The following ATP10A variants were observed in gnomAD, a reference collection of about 807,000 sequenced individuals.
ATP10A encodes ATPase phospholipid transporting 10A (putative).
Under a neutral mutation model 147.8 loss-of-function variants are expected in ATP10A, and 111 were observed. That is an observed-to-expected ratio of 0.75 (90% CI 0.64 to 0.88). The LOEUF is 0.88. Ranked by LOEUF, ATP10A falls within the 40% of genes least tolerant of loss-of-function variation. The pLI, the probability that ATP10A is intolerant of heterozygous loss-of-function variation, is 0.00. For synonymous variants in ATP10A, 875 were observed against 841.6 expected, an observed-to-expected ratio of 1.04 and a Z score of -0.69; for missense variants, 1,927 against 1,959.0, an observed-to-expected ratio of 0.98 and a Z score of 0.31.
intron 5 of ATP10A, 45 bp downstream of exon 5, chr15:25,725,906 C>T (rs749860489): frequency 8.3e-6 from 13 of 1,569,928 alleles, no homozygotes; most frequent in Admixed American, 5.1e-5. Flanking sequence ...GCACGAGCCA[C>T]TGCGCCTGGC....
At position 25,708,242 on chromosome 15, in the gene ATP10A, G is replaced by A. The variant is rs779579438; in HGVS notation, c.2403C>T (p.Asn801=). The A allele has an allele frequency of 6.2e-6, 10 of 1,614,196 alleles. No individual in the cohort carries two copies. Among genetic ancestry groups the A allele is most frequent in the African/African-American group, 1.3e-5 (1 of 75,056 alleles). ...TGCGCAGGCCTTCCGCCGCATACAC[G>A]TTGAGGTAATTCTGAGTTTTGCTCC... ...KIRSKTQNYL[N]VYAAEGLRTL... The change falls in exon 11 of 21, where the codon AAC becomes AAT. Residue 801 remains asparagine, a synonymous_variant. Transcript: ENST00000555815.
chr15:25,715,230 T>C (rs1360238366), intron 9 of ATP10A, among the ~76,000 whole-genome samples: 1 of 152,252 alleles, frequency 6.6e-6, no homozygotes, highest in Non-Finnish European at 1.5e-5. Context: ...ACAGGTGCTT[T>C]TCCTTTGGTC....
rs534417317 is a variant in ATP10A at position 25,863,251 on chromosome 15, G to GCGCGCCCAGCC, written c.-166_-156dup. 5.4e-6 allele frequency: 2 copies of GCGCGCCCAGCC among 369,414 alleles called. No individual in the cohort carries two copies. Among genetic ancestry groups the GCGCGCCCAGCC allele is most frequent in the African/African-American group, 2.2e-5 (1 of 45,138 alleles). The allele number at this position is 369,414 out of a possible 1,614,324, so 22.9% of individuals were successfully genotyped here. Reference sequence around the variant, plus strand: ...GTCAGCGCGCCGCCTGGCCGGCCCAGCGCGCCCAGCCCGCGCCCAGCCCCG... The same window carrying GCGCGCCCAGCC: ...GTCAGCGCGCCGCCTGGCCGGCCCAGCGCGCCCAGCCCGCGCCCAGCCCGCGCCCAGCCCCG... On this transcript the variant is annotated 5_prime_UTR_variant, in exon 1 of 21. Transcript: ENST00000555815.
intron 2 of ATP10A, among the ~76,000 whole-genome samples, chr15:25,768,219 G>A (rs1889131752): frequency 6.6e-6 from 1 of 152,210 alleles, no homozygotes; most frequent in Non-Finnish European, 1.5e-5. Context: ...AGGGTCAGTG[G>A]CTTGGGCCTC....
chr15:25,735,007 G>A (rs1346818221), intron 3 of ATP10A, among the ~76,000 whole-genome samples: 1 of 7,260 alleles, frequency 1.4e-4, no homozygotes, highest in Non-Finnish European at 4.0e-4. Flanking sequence ...TGGGAGCGGG[G>A]GGGGGGTGGG....
At chr15:25,773,206 AG>A (rs1298458582) in intron 2 of ATP10A, among the ~76,000 whole-genome samples, 1 of 152,188 alleles carries the variant, frequency 6.6e-6, no homozygotes, top group Non-Finnish European at 1.5e-5. Context: ...CGAAACTCTA[AG>A]GAAGCCCTAA....
At chr15:25,824,346 C>T (rs1450685405) in intron 1 of ATP10A, among the ~76,000 whole-genome samples, 4 of 151,446 alleles carry the variant, frequency 2.6e-5, no homozygotes, top group Admixed American at 2.6e-4. Flanking sequence ...TGATGGTGTA[C>T]ACTTGTGGTC....
chr15:25,753,124 T>G (rs1447003327), intron 2 of ATP10A, among the ~76,000 whole-genome samples: 1 of 152,204 alleles, frequency 6.6e-6, no homozygotes, highest in African/African-American at 2.4e-5. Context: ...TCTAGGTAAT[T>G]TTGAAATGTA....
At chr15:25,715,916 T>G (rs1178438675) in intron 9 of ATP10A, among the ~76,000 whole-genome samples, 1 of 152,286 alleles carries the variant, frequency 6.6e-6, no homozygotes, top group African/African-American at 2.4e-5. Flanking sequence ...TCCATATGCA[T>G]ATCACGCTTC....
rs989968454 is a variant in ATP10A, at chr15:25,835,928, C to T, written c.449+26720G>A. Among the ~76,000 whole-genome samples the T allele has an allele frequency of 3.1e-4, 47 of 152,230 alleles. 1 individual carries two copies. Among genetic ancestry groups the T allele is most frequent in the Non-Finnish European group, 8.8e-5 (6 of 68,044 alleles). On this transcript the variant is annotated intron_variant, in intron 1 of 20. Coordinates refer to ENST00000555815, the MANE Select transcript of ATP10A (RefSeq NM_024490.4). ...TCCGGGGCTCACGCCATTCTCCCGC[C>T]TCAGCCTCCCGAGTAGCTGGGACCA...
chr15:25,727,414 A>AGT lies in ATP10A; in HGVS notation c.741-149_741-148insAC, dbSNP rs1212432280. ...CTGGGAAGGGTACAGGGGGCCCCCG[A>AGT]GAGTGGGTGGCTCGCCCTGTGGGTC... On this transcript the variant is annotated intron_variant, in intron 3 of 20. Transcript: ENST00000555815. 9.1e-6 allele frequency: 6 copies of AGT among 658,564 alleles called. No individual in the cohort carries two copies. In the East Asian group the frequency reaches 1.4e-4, roughly 15 times the overall value. The allele number at this position is 658,564 out of a possible 1,614,324, so 40.8% of individuals were successfully genotyped here. A position where few individuals can be genotyped will look rare whatever the true frequency, so the allele number is the denominator to read the frequency against.
At chr15:25,759,472 G>A (rs1888636278) in intron 2 of ATP10A, among the ~76,000 whole-genome samples, 1 of 152,186 alleles carries the variant, frequency 6.6e-6, no homozygotes, top group Non-Finnish European at 1.5e-5. Context: ...GAGCCTCTGT[G>A]TTAGAACAAG....
chr15:25,802,968 T>C (rs887700603), intron 1 of ATP10A, among the ~76,000 whole-genome samples: 4 of 152,204 alleles, frequency 2.6e-5, no homozygotes, highest in Admixed American at 2.6e-4. Flanking sequence ...ATTTTACATA[T>C]GAGGGTGTGG....
chr15:25,745,110 C>T (rs1441210646), intron 2 of ATP10A, among the ~76,000 whole-genome samples: 19 of 152,010 alleles, frequency 1.2e-4, no homozygotes, highest in East Asian at 1.9e-4. Flanking sequence ...CAGATCACGA[C>T]GTCATGGTCT....
At chr15:25,713,348 G>C (rs1256190196) in intron 10 of ATP10A, among the ~76,000 whole-genome samples, 1 of 152,168 alleles carries the variant, frequency 6.6e-6, no homozygotes, top group Non-Finnish European at 1.5e-5. Context: ...AGGTCCACAG[G>C]GCAGGAAGAA....
intron 1 of ATP10A, among the ~76,000 whole-genome samples, chr15:25,832,144 G>A (rs746325636): frequency 1.3e-5 from 2 of 152,180 alleles, no homozygotes; most frequent in Non-Finnish European, 2.9e-5. Context: ...GACAGGGGAC[G>A]TAAGGACTGG....
rs1048686641 is a variant in ATP10A at position 25,687,850 on chromosome 15, T to C, written c.3166-22A>G. 3 of 1,613,650 alleles carry C rather than the reference T, an allele frequency of 1.9e-6. No homozygotes were observed. The South Asian group carries it at 3.3e-5, about 18-fold the overall frequency. ...CTGCCTTCAAAGGGAGAGGGATTCC[T>C]GTTACTGGTGATGCCGACCTGGCGT... On this transcript the variant is annotated intron_variant, in intron 15 of 20. Coordinates refer to ENST00000555815, the MANE Select transcript of ATP10A (RefSeq NM_024490.4).
At chr15:25,730,733 G>C (rs1902931904) in intron 3 of ATP10A, among the ~76,000 whole-genome samples, 1 of 152,002 alleles carries the variant, frequency 6.6e-6, no homozygotes, top group African/African-American at 2.4e-5. Context: ...GGCAGAATTT[G>C]CTTTAAAATA....
rs1379295259 is a variant in ATP10A, at chr15:25,708,197, T to C, written c.2448A>G (p.Arg816=). Residue 816 remains arginine (R), a splice_region_variant and synonymous_variant, in exon 11 of 21, where the codon AGA becomes AGG. Coordinates refer to ENST00000555815, the MANE Select transcript of ATP10A (RefSeq NM_024490.4). Reference sequence around the variant, plus strand: ...CCCTCGCGGAGACACCCCCACTCACTCTCTTGGCGATGCACAAGGTGCGCA... The same window carrying C: ...CCCTCGCGGAGACACCCCCACTCACCCTCTTGGCGATGCACAAGGTGCGCA... ...EGLRTLCIAK[R]VLSKEEYACW... 4.3e-6 allele frequency: 7 copies of C among 1,614,056 alleles called. No individual in the cohort carries two copies. The highest frequency in any genetic ancestry group is 5.9e-6 in the Non-Finnish European group (7 of 1,180,034).
Sources: allele counts gnomAD v4.1 joint callset (sites outside exome capture counted in the v4.1 genomes callset), GRCh38; gene constraint gnomAD v4.1.1; transcripts MANE v1.5; gene names NCBI Gene and HGNC (gene_info 2026-07-23, HGNC 2026-07-21).